OAS2: variants seen among roughly 807,000 people sequenced by gnomAD.
OAS2 encodes the protein 2'-5'-oligoadenylate synthetase 2, also known as 2'-5'-oligoadenylate synthase 2.
Under a neutral mutation model 71.3 loss-of-function variants are expected in OAS2, and 67 were observed. That is an observed-to-expected ratio of 0.94 (90% CI 0.77 to 1.15). The LOEUF (loss-of-function observed/expected upper bound fraction) is 1.15. Among genes scored for constraint, OAS2 ranks in the 50% most tolerant of loss-of-function variants. The pLI, the probability that OAS2 is intolerant of heterozygous loss-of-function variation, is 0.00. For synonymous variants in OAS2, 327 were observed against 321.8 expected (o/e 1.02, Z -0.17); for missense variants, 789 against 822.5 (o/e 0.96, Z 0.50).
In OAS2 at chr12:112,978,638, G is replaced by A; in HGVS notation, c.30G>A (p.Ser10=). Residue 10 remains serine (S), a synonymous_variant, in exon 1 of 10, where the codon TCG becomes TCA. Transcript: ENST00000392583. The surrounding 1 kb of genome is among the most constrained non-coding windows in gnomAD (Gnocchi z 4.2). MGNGESQLS[S]VPAQKLGWFI... ...GAAATGGGGAGTCCCAGCTGTCCTC[G>A]GTGCCTGCTCAGAAGCTGGGTTGGT... 1.2e-6 allele frequency: 2 copies of A among 1,614,092 alleles called. No homozygotes were observed. The highest frequency in any genetic ancestry group is 1.1e-5 in the South Asian group (1 of 91,064).
In OAS2 at chr12:113,009,730, A is replaced by G; in HGVS notation, c.*475A>G. On this transcript the variant is annotated 3_prime_UTR_variant, in exon 10 of 10. Transcript: ENST00000392583. ...ATTTTATTAGAAGTTTCATCCGCAAATTTTCTTCCATTTCATTGCTCAGAA... is the reference window on the plus strand; with the variant it reads ...ATTTTATTAGAAGTTTCATCCGCAAGTTTTCTTCCATTTCATTGCTCAGAA... 1 of 986,874 alleles carries G rather than the reference A, an allele frequency of 1.0e-6. No individual in the cohort carries two copies. The highest frequency in any genetic ancestry group is 1.2e-6 in the Non-Finnish European group (1 of 831,112). The allele number at this position is 986,874 out of a possible 1,614,324, so 61.1% of individuals were successfully genotyped here.
intron 2 of OAS2, chr12:112,987,654 C>A (rs1024169999): frequency 8.7e-6 from 10 of 1,148,962 alleles, no homozygotes; most frequent in Non-Finnish European, 7.5e-6. Context: ...ATATTTCTAG[C>A]CAGCTCCATG....
chr12:113,001,766 C>T (rs1291028133), intron 5 of OAS2, among the ~76,000 whole-genome samples: 1 of 148,870 alleles, frequency 6.7e-6, no homozygotes, highest in Non-Finnish European at 1.5e-5. Context: ...TGGCTCACGC[C>T]TGTAATTACA....
rs1252459721 is a variant in OAS2 at position 112,997,662 on chromosome 12, G to T, written c.770G>T (p.Cys257Phe). ...AGAACCGTACTGGAGCTGATCAAATGCCAGGAGAAGCTGTGTATCTATTGG... is the reference window on the plus strand; with the variant it reads ...AGAACCGTACTGGAGCTGATCAAATTCCAGGAGAAGCTGTGTATCTATTGG... ...GVRTVLELIKCQEKLCIYWMV... is the reference protein window; with the variant it reads ...GVRTVLELIKFQEKLCIYWMV... Residue 257 changes from cysteine to phenylalanine, a missense_variant, in exon 4 of 10, where the codon TGC becomes TTC. Physicochemically the swap from Cys to Phe is radical, Grantham distance 205. Transcript: ENST00000392583. The T allele has an allele frequency of 3.1e-6, 5 of 1,613,962 alleles. No homozygotes were observed. Among genetic ancestry groups the T allele is most frequent in the Non-Finnish European group, 4.2e-6 (5 of 1,179,998 alleles).
Position 112,995,450 on chromosome 12 carries a change from C to A in OAS2, c.603C>A (p.Leu201=). The A allele has an allele frequency of 6.2e-7, 1 of 1,613,856 alleles. No homozygotes were observed. The highest frequency in any genetic ancestry group is 2.2e-5 in the East Asian group (1 of 44,878). ...NRPGKLKDLI[L]LIKHWHQQCQ... ...CTGGAAAACTAAAGGATTTGATCCT[C>A]TTGATAAAGCACTGGCATCAACAGG... The change falls in exon 3 of 10, where the codon CTC becomes CTA. Residue 201 remains leucine, a synonymous_variant. Transcript: ENST00000392583.
chr12:113,008,465 A>T (rs559683165), intron 9 of OAS2, among the ~76,000 whole-genome samples: 2 of 152,172 alleles, frequency 1.3e-5, no homozygotes, highest in Non-Finnish European at 2.9e-5. Flanking sequence ...GTTCTTGGCA[A>T]CATTGTATTT....
intron 4 of OAS2, 87 bp downstream of exon 4, chr12:112,997,842 A>G: frequency 3.6e-6 from 4 of 1,112,582 alleles, no homozygotes; most frequent in Non-Finnish European, 3.8e-6. Flanking sequence ...GCCTTGCCCT[A>G]TCAAGCCAGT....
intron 2 of OAS2, chr12:112,987,837 G>C (rs2044154118): frequency 5.1e-6 from 5 of 986,560 alleles, no homozygotes; most frequent in Non-Finnish European, 6.0e-6. Flanking sequence ...AACTATCAAA[G>C]CTTGAGGGGG....
chr12:112,982,952 T>A (rs2044097539), intron 1 of OAS2, among the ~76,000 whole-genome samples: 1 of 152,192 alleles, frequency 6.6e-6, no homozygotes, highest in Admixed American at 6.5e-5. Context: ...GCTTTCCAAT[T>A]TGTTCACATG....
chr12:113,003,302 C>T (rs1593205028), intron 6 of OAS2, among the ~76,000 whole-genome samples, 200 bp downstream of exon 6: 1 of 152,136 alleles, frequency 6.6e-6, no homozygotes, highest in Non-Finnish European at 1.5e-5. Context: ...AACAACACAA[C>T]TTTGATTCTG....
chr12:112,994,514 C>CG (rs1159374019), intron 2 of OAS2, among the ~76,000 whole-genome samples: 9 of 152,086 alleles, frequency 5.9e-5, no homozygotes, highest in Non-Finnish European at 1.3e-4. Context: ...ATCCACCTCT[C>CG]GGGGTCAAGG....
intron 9 of OAS2, 75 bp downstream of exon 9, chr12:113,008,018 C>A: frequency 9.5e-7 from 1 of 1,053,540 alleles, no homozygotes; most frequent in Non-Finnish European, 1.5e-6. Context: ...GGATTTTCCT[C>A]TGCTGGGGTC....
In OAS2 at chr12:112,997,500, A is replaced by C; in HGVS notation, c.628-20A>C. 1 of 1,602,754 alleles carries C rather than the reference A, an allele frequency of 6.2e-7. No individual in the cohort carries two copies. Among genetic ancestry groups the C allele is most frequent in the East Asian group, 2.2e-5 (1 of 44,772 alleles). On this transcript the variant is annotated intron_variant, in intron 3 of 9. Coordinates refer to ENST00000392583, the MANE Select transcript of OAS2 (RefSeq NM_002535.3). ...GAACTAGATCCCCCAATGAGCTGCT[A>C]CCCTTTCCTTATCCCACAGTGCCAG...
intron 5 of OAS2, among the ~76,000 whole-genome samples, chr12:113,001,373 C>T (rs1233878494): frequency 1.3e-5 from 1 of 76,044 alleles, no homozygotes; most frequent in Non-Finnish European, 2.2e-5. Context: ...CATATATATA[C>T]ACACACACAT....
chr12:112,997,432 T>C, intron 3 of OAS2, 88 bp from the exon 4 acceptor site: 1 of 1,086,446 alleles, frequency 9.2e-7, no homozygotes, highest in African/African-American at 1.6e-5. Context: ...AATGACTTCC[T>C]GTAGACCTCT....
chr12:112,998,018 G>T (rs751103842), intron 4 of OAS2, among the ~76,000 whole-genome samples: 1 of 152,160 alleles, frequency 6.6e-6, no homozygotes, highest in South Asian at 2.1e-4. Context: ...GGAGCTAAGA[G>T]AGAAAGGGGA....
chr12:112,984,298 C>T (rs905205931), intron 1 of OAS2, among the ~76,000 whole-genome samples: 1 of 152,088 alleles, frequency 6.6e-6, no homozygotes, highest in Non-Finnish European at 1.5e-5. Context: ...CTGAATTGAT[C>T]TCTTGATCAT....
At chr12:112,988,642 A>C in intron 2 of OAS2, 1 of 985,398 alleles carries the variant, frequency 1.0e-6, no homozygotes, top group Non-Finnish European at 1.2e-6. Context: ...AATACCCCCT[A>C]CCTTTAGTGA....
chr12:113,010,429 T>A lies in OAS2; in HGVS notation c.*1174T>A, dbSNP rs199779283. ...AGGATCCATCCTATTGTCAATGAGA[T>A]GTTCTCATCCAGAAGCCATAGAATC... On this transcript the variant is annotated 3_prime_UTR_variant, in exon 10 of 10. Coordinates refer to ENST00000392583, the MANE Select transcript of OAS2 (RefSeq NM_002535.3). The A allele has an allele frequency of 1.1e-5, 18 of 1,614,026 alleles. No homozygotes were observed. The highest frequency in any genetic ancestry group is 1.5e-5 in the Non-Finnish European group (18 of 1,179,942).
Sources: allele counts gnomAD v4.1 joint callset (sites outside exome capture counted in the v4.1 genomes callset), GRCh38; gene constraint gnomAD v4.1.1; non-coding constraint Gnocchi (gnomAD v3.1); transcripts MANE v1.5; gene names NCBI Gene and HGNC (gene_info 2026-07-23, HGNC 2026-07-21).